The following PCDH15 variants were observed in gnomAD, a reference collection of about 807,000 sequenced individuals.
PCDH15 encodes the protein protocadherin-15.
Under a neutral mutation model 178.5 loss-of-function variants are expected in PCDH15, and 129 were observed. That is an observed-to-expected ratio of 0.72 (90% confidence interval 0.63 to 0.84). The LOEUF (loss-of-function observed/expected upper bound fraction) is 0.84, where lower values mean the gene tolerates loss of function less well. Ranked by LOEUF, PCDH15 falls within the 40% of genes least tolerant of loss-of-function variation. PCDH15 has a pLI of 0.00. For synonymous variants in PCDH15, 800 were observed against 732.0 expected, an observed-to-expected ratio of 1.09 and a Z score of -1.50; for missense variants, 2,230 against 2,099.9, an observed-to-expected ratio of 1.06 and a Z score of -1.21.
At chr10:54,653,307 A>G (rs2094304015) in intron 2 of PCDH15, among the ~76,000 whole-genome samples, 1 of 152,210 alleles carries the variant, frequency 6.6e-6, no homozygotes, top group Non-Finnish European at 1.5e-5. Context: ...TATTCCTATA[A>G]TGTAAGTATT....
chr10:54,877,956 T>G (rs1204373734), intron 3 of PCDH15, among the ~76,000 whole-genome samples: 6 of 5,944 alleles, frequency 1.0e-3, no homozygotes, highest in East Asian at 0.038. Flanking sequence ...TTTTTTTTTT[T>G]TTTTTTTTTT....
chr10:54,161,570 A>G (rs2045714014), intron 13 of PCDH15, among the ~76,000 whole-genome samples: 1 of 145,254 alleles, frequency 6.9e-6, no homozygotes, highest in Non-Finnish European at 1.5e-5. Flanking sequence ...CTTTGAATAA[A>G]CACAGAAATT....
intron 8 of PCDH15, among the ~76,000 whole-genome samples, chr10:54,294,116 C>T (rs1187207117): frequency 1.3e-5 from 2 of 151,888 alleles, no homozygotes; most frequent in Admixed American, 6.5e-5. Flanking sequence ...GGCACATATA[C>T]ACCATGGAAT....
At chr10:55,321,598 G>C (rs1221237996), upstream of PCDH15, among the ~76,000 whole-genome samples, 3 of 152,184 alleles carry the variant, frequency 2.0e-5, no homozygotes, top group Non-Finnish European at 4.4e-5. Flanking sequence ...GTTAAAGGCA[G>C]CTAGAGAGAA....
intron 14 of PCDH15, among the ~76,000 whole-genome samples, chr10:54,146,897 T>TATATATATAGTGTATATATATAGTGTAC (rs2043969043): frequency 6.9e-6 from 1 of 145,618 alleles, no homozygotes; most frequent in Non-Finnish European, 1.5e-5. Flanking sequence ...TGTGTATACA[T>TATATATATAGTGTATATATATAGTGTAC]ATATATATAG....
chr10:54,779,514 G>GTATATATATATACACACATATATGTGTC (rs1566223646), intron 1 of PCDH15, among the ~76,000 whole-genome samples: 1 of 136,606 alleles, frequency 7.3e-6, no homozygotes, highest in Non-Finnish European at 1.6e-5. Flanking sequence ...ATATATGTGT[G>GTATATATATATACACACATATATGTGTC]TATATATATA....
chr10:55,619,720 A>G (rs1843550747), intron 2 of PCDH15, among the ~76,000 whole-genome samples: 1 of 151,990 alleles, frequency 6.6e-6, no homozygotes, highest in South Asian at 2.1e-4. Context: ...CATATTTGAA[A>G]ATTTCTAATA....
intron 15 of PCDH15, among the ~76,000 whole-genome samples, chr10:54,095,325 G>T (rs1180881272): frequency 6.6e-6 from 1 of 151,838 alleles, no homozygotes; most frequent in Non-Finnish European, 1.5e-5. Context: ...TTTTATTCAT[G>T]TCAAGTACTG....
chr10:54,738,560 G>A (rs933383434), intron 1 of PCDH15, among the ~76,000 whole-genome samples: 2 of 151,908 alleles, frequency 1.3e-5, no homozygotes, highest in African/African-American at 2.4e-5. Flanking sequence ...CTCATTCTAT[G>A]AGGCCAGAAT....
chr10:54,518,040 T>C (rs112259469), intron 3 of PCDH15, among the ~76,000 whole-genome samples: 131 of 152,172 alleles, frequency 8.6e-4, no homozygotes, highest in African/African-American at 3.1e-3. Context: ...TATACCAGAA[T>C]CTCTGGGACA....
At chr10:54,208,190 A>T (rs1315300807) in intron 10 of PCDH15, among the ~76,000 whole-genome samples, 1 of 152,090 alleles carries the variant, frequency 6.6e-6, no homozygotes, top group Non-Finnish European at 1.5e-5. Flanking sequence ...TTGCTATTTC[A>T]TTACTAATAA....
intron 2 of PCDH15, among the ~76,000 whole-genome samples, chr10:55,488,902 T>C (rs1169427146): frequency 6.6e-6 from 1 of 151,376 alleles, no homozygotes; most frequent in Non-Finnish European, 1.5e-5. Flanking sequence ...TAGAATAATA[T>C]TCAGAAAGTA....
At chr10:55,418,189 T>A (rs1838530817) in intron 2 of PCDH15, among the ~76,000 whole-genome samples, 1 of 151,892 alleles carries the variant, frequency 6.6e-6, no homozygotes, top group Non-Finnish European at 1.5e-5. Flanking sequence ...TGAAAGTGAC[T>A]TTTTTACTAC....
intron 2 of PCDH15, among the ~76,000 whole-genome samples, chr10:55,140,158 T>C (rs1361923871): frequency 2.6e-5 from 4 of 151,946 alleles, no homozygotes; most frequent in Non-Finnish European, 1.5e-5. Context: ...CTCTAGGATA[T>C]TTTTCTTTTC....
chr10:55,550,908 T>A (rs1656327013), intron 2 of PCDH15, among the ~76,000 whole-genome samples: 1 of 152,128 alleles, frequency 6.6e-6, no homozygotes, highest in African/African-American at 2.4e-5. Context: ...AAAAGACAGA[T>A]GAACTTCCTT....
intron 8 of PCDH15, among the ~76,000 whole-genome samples, chr10:54,237,446 AT>A (rs2054751841): frequency 6.6e-6 from 1 of 152,190 alleles, no homozygotes; most frequent in South Asian, 2.1e-4. Flanking sequence ...GATTTTAAAT[AT>A]TGCAGGTATT....
At chr10:54,345,923 A>G (rs1209111630) in intron 6 of PCDH15, among the ~76,000 whole-genome samples, 1 of 151,434 alleles carries the variant, frequency 6.6e-6, no homozygotes, top group Non-Finnish European at 1.5e-5. Flanking sequence ...CTTCTTCTCT[A>G]TCTTTGGTTT....
At chr10:54,689,558 A>G (rs1161590780) in intron 1 of PCDH15, among the ~76,000 whole-genome samples, 2 of 152,208 alleles carry the variant, frequency 1.3e-5, no homozygotes, top group Non-Finnish European at 1.5e-5. Flanking sequence ...GGACTGAATA[A>G]AGTTTTAAGT....
intron 16 of PCDH15, 74 bp from the exon 17 acceptor site, chr10:54,079,498 G>T: frequency 7.3e-7 from 1 of 1,368,622 alleles, no homozygotes; most frequent in Non-Finnish European, 1.0e-6. Flanking sequence ...TTAGTATAGT[G>T]AATTACTTTT....
Sources: gnomAD v4.1 joint callset for allele counts (sites outside exome capture counted in the v4.1 genomes callset) on GRCh38, gnomAD v4.1.1 for gene constraint, MANE v1.5 for transcripts, NCBI Gene and HGNC (gene_info 2026-07-23, HGNC 2026-07-21) for gene names.